The following KLRF1 variants were observed in gnomAD, a reference collection of about 807,000 sequenced individuals.
KLRF1 encodes the protein killer cell lectin like receptor F1, also known as killer cell lectin-like receptor subfamily F member 1.
Under a neutral mutation model 30.7 loss-of-function variants are expected in KLRF1, and 27 were observed. The ratio of observed to expected loss-of-function variants is 0.88; its 90% CI spans 0.65 to 1.21. The LOEUF is 1.21. Among genes scored for constraint, KLRF1 ranks in the 50% most tolerant of loss-of-function variants. KLRF1 has a pLI of 0.00. For synonymous variants in KLRF1, 92 were observed against 89.3 expected, an observed-to-expected ratio of 1.03 and a Z score of -0.17; for missense variants, 246 against 259.3, an observed-to-expected ratio of 0.95 and a Z score of 0.35.
intron 3 of KLRF1, among the ~76,000 whole-genome samples, chr12:9,833,901 CTT>C (rs35443913): frequency 0.02 from 1,665 of 82,308 alleles, 4 homozygotes; most frequent in Non-Finnish European, 0.028. Context: ...AAATGTTTAA[CTT>C]TTTTTTTTTT....
At chr12:9,837,283 G>A (rs1272548865) in intron 3 of KLRF1, among the ~76,000 whole-genome samples, 3 of 151,612 alleles carry the variant, frequency 2.0e-5, no homozygotes, top group Admixed American at 6.6e-5. Flanking sequence ...TCCTTTTTAT[G>A]GGTGAATAAT....
chr12:9,836,837 C>A lies in KLRF1; in HGVS notation c.334+3385C>A, dbSNP rs752033848. 3.3e-5 allele frequency among the ~76,000 whole-genome samples: 5 copies of A among 152,106 alleles called. No homozygotes were observed. The South Asian group carries it at 6.2e-4, about 19-fold the overall frequency. ...ACTGTGTTGGGTATCATTGCAATGACACCTTAGAAAAATTAAGGCGGCTTT... is the reference window on the plus strand; with the variant it reads ...ACTGTGTTGGGTATCATTGCAATGAAACCTTAGAAAAATTAAGGCGGCTTT... On this transcript the variant is annotated intron_variant, in intron 3 of 5. Coordinates refer to ENST00000617889, the MANE Select transcript of KLRF1 (RefSeq NM_016523.3).
upstream of KLRF1, among the ~76,000 whole-genome samples, chr12:9,824,592 A>G (rs1392337582): frequency 1.3e-5 from 2 of 152,198 alleles, no homozygotes; most frequent in Non-Finnish European, 2.9e-5. Flanking sequence ...CCTATTCAAC[A>G]TAGTATTGGA....
rs778115032 is a variant in KLRF1 at position 9,833,291 on chromosome 12, C to T, written c.185-12C>T. ...GATATTTACCTAACCTTAAAATAGT[C>T]CTGTATTCAAGTTTCTCAGGGAGTA... On this transcript the variant is annotated splice_polypyrimidine_tract_variant and intron_variant, in intron 2 of 5. Transcript: ENST00000617889. 7 of 1,572,940 alleles carry T rather than the reference C, an allele frequency of 4.5e-6. No individual in the cohort carries two copies. In the East Asian group the frequency reaches 1.2e-4, roughly 26 times the overall value.
At chr12:9,814,816 A>G in the KLRF1 span, among the ~76,000 whole-genome samples, 2 of 148,508 alleles carry the variant, frequency 1.3e-5, no homozygotes, top group Non-Finnish European at 3.0e-5. Context: ...GGAGGTAAAG[A>G]GTAGAATGAT....
At chr12:9,805,025 T>G in the KLRF1 span, among the ~76,000 whole-genome samples, 1 of 152,034 alleles carries the variant, frequency 6.6e-6, no homozygotes, top group African/African-American at 2.4e-5. Flanking sequence ...GCTAATATTT[T>G]ATTGACAATT....
At chr12:9,821,666 CAT>C in the KLRF1 span, among the ~76,000 whole-genome samples, 1 of 152,192 alleles carries the variant, frequency 6.6e-6, no homozygotes, top group Non-Finnish European at 1.5e-5. Context: ...GGAGAGGAAA[CAT>C]AAACACTGAG....
the KLRF1 span, among the ~76,000 whole-genome samples, chr12:9,807,457 C>G: frequency 2.0e-5 from 3 of 152,106 alleles, no homozygotes; most frequent in Non-Finnish European, 2.9e-5. Flanking sequence ...ATAAGTGTTT[C>G]TCTCATCTTC....
chr12:9,824,883 A>T (rs190330120), upstream of KLRF1, among the ~76,000 whole-genome samples: 1 of 152,184 alleles, frequency 6.6e-6, no homozygotes, highest in Non-Finnish European at 1.5e-5. Flanking sequence ...CCACAAAAAC[A>T]ATAAAATACA....
chr12:9,814,565 G>C, the KLRF1 span, among the ~76,000 whole-genome samples: 2 of 152,200 alleles, frequency 1.3e-5, no homozygotes, highest in South Asian at 4.1e-4. Context: ...GCACCATCAG[G>C]AGGCCTGACT....
chr12:9,826,457 T>C (rs913128275), upstream of KLRF1, among the ~76,000 whole-genome samples: 3 of 152,216 alleles, frequency 2.0e-5, no homozygotes, highest in Non-Finnish European at 2.9e-5. Context: ...TCAACCATTA[T>C]GAAAGATAGC....
chr12:9,832,332 G>A lies in KLRF1; in HGVS notation c.102G>A (p.Leu34=), dbSNP rs1867447447. ...ATGTCTCAGATTATTCAGTGACGTT[G>A]CACTGGTATAAAATCTTACTGGGAA... The part of the protein sequence containing the change: ...QLTFKDYSVT[L]HWYKILLGIS... The change falls in exon 2 of 6, where the codon TTG becomes TTA. Residue 34 remains leucine, a synonymous_variant. Coordinates refer to ENST00000617889, the MANE Select transcript of KLRF1 (RefSeq NM_016523.3). 1.3e-6 allele frequency: 2 copies of A among 1,597,338 alleles called. No individual in the cohort carries two copies. The highest frequency in any genetic ancestry group is 1.7e-5 in the Admixed American group (1 of 59,796).
At chr12:9,834,319 T>G (rs1400357158) in intron 3 of KLRF1, among the ~76,000 whole-genome samples, 7 of 152,136 alleles carry the variant, frequency 4.6e-5, no homozygotes, top group Non-Finnish European at 1.5e-5. Flanking sequence ...ATGGCTTAGC[T>G]TGGGCTCAGA....
At chr12:9,803,767 A>T in the KLRF1 span, among the ~76,000 whole-genome samples, 3 of 151,974 alleles carry the variant, frequency 2.0e-5, no homozygotes, top group Admixed American at 2.0e-4. Context: ...GTGAGTCTAC[A>T]TCTGGGCTGT....
the KLRF1 span, among the ~76,000 whole-genome samples, chr12:9,805,717 T>C: frequency 6.6e-6 from 1 of 152,068 alleles, no homozygotes. Context: ...TTCTATGTGG[T>C]TTTTCTATTT....
intron 1 of KLRF1, 31 bp downstream of exon 1, chr12:9,827,660 G>C: frequency 7.9e-7 from 1 of 1,270,292 alleles, no homozygotes; most frequent in Non-Finnish European, 1.1e-6. Context: ...TTTTCAATTG[G>C]TGTGAATTAA....
the KLRF1 span, among the ~76,000 whole-genome samples, chr12:9,816,730 CTTCTTTT>C: frequency 7.1e-6 from 1 of 141,400 alleles, no homozygotes; most frequent in East Asian, 2.5e-4. Context: ...CCAGCATTCT[CTTCTTTT>C]TTTTTTTTTT....
chr12:9,836,386 C>T (rs1036978702), intron 3 of KLRF1, among the ~76,000 whole-genome samples: 1 of 152,058 alleles, frequency 6.6e-6, no homozygotes, highest in Non-Finnish European at 1.5e-5. Flanking sequence ...TTTTTCCAAG[C>T]CATCACAGCT....
the KLRF1 span, among the ~76,000 whole-genome samples, chr12:9,805,075 T>C: frequency 6.6e-6 from 1 of 152,010 alleles, no homozygotes; most frequent in African/African-American, 2.4e-5. Flanking sequence ...TTTTCTTTTC[T>C]TGTAATTTTT....
Sources: allele counts gnomAD v4.1 joint callset (sites outside exome capture counted in the v4.1 genomes callset), GRCh38; gene constraint gnomAD v4.1.1; transcripts MANE v1.5; gene names NCBI Gene and HGNC (gene_info 2026-07-23, HGNC 2026-07-21).